The following GRIN2A variants were observed in gnomAD, a reference collection of about 807,000 sequenced individuals.
The protein encoded by GRIN2A is glutamate receptor ionotropic, NMDA 2A.
GRIN2A carries 22 observed loss-of-function variants against 113.4 expected under a neutral mutation model. That is an observed-to-expected ratio of 0.19 (90% CI 0.14 to 0.28). The LOEUF is 0.28. Ranked by LOEUF, GRIN2A falls within the 10% of genes least tolerant of loss-of-function variation. GRIN2A has a pLI of 1.00. For missense variants in GRIN2A, 1,502 were observed against 1,887.0 expected (o/e 0.80, Z 3.78); for synonymous variants, 827 against 738.4 (o/e 1.12, Z -1.94).
At chr16:10,079,833 T>C (rs7191991) in intron 2 of GRIN2A, among the ~76,000 whole-genome samples, 131,405 of 152,218 alleles carry the variant, frequency 0.86, 57,147 homozygotes, top group East Asian at 1. Context: ...TGGGAAGAAG[T>C]GACAGAAAGA....
intron 2 of GRIN2A, among the ~76,000 whole-genome samples, chr16:10,158,352 G>A (rs1393614300): frequency 6.6e-6 from 1 of 152,160 alleles, no homozygotes; most frequent in Non-Finnish European, 1.5e-5. Flanking sequence ...GGTGGGAGTA[G>A]GGGGATATCT....
intron 2 of GRIN2A, among the ~76,000 whole-genome samples, chr16:9,954,793 C>T (rs2045267675): frequency 1.3e-5 from 2 of 152,182 alleles, no homozygotes; most frequent in Non-Finnish European, 2.9e-5. Context: ...CCTCTCCAGA[C>T]TTAAATGAAA....
chr16:10,047,639 T>C (rs559269848), intron 2 of GRIN2A, among the ~76,000 whole-genome samples: 2 of 152,182 alleles, frequency 1.3e-5, no homozygotes, highest in East Asian at 3.9e-4. Context: ...TGAATCCCAA[T>C]AGCCAGCACC....
intron 9 of GRIN2A, among the ~76,000 whole-genome samples, chr16:9,822,699 C>T (rs2042312636): frequency 6.6e-6 from 1 of 152,112 alleles, no homozygotes; most frequent in Admixed American, 6.5e-5. Context: ...CGGCTGGGTG[C>T]TCCATAGGTA....
At chr16:9,801,551 C>G (rs918339111) in intron 10 of GRIN2A, among the ~76,000 whole-genome samples, 1 of 152,218 alleles carries the variant, frequency 6.6e-6, no homozygotes, top group African/African-American at 2.4e-5. Flanking sequence ...TATGGACAGG[C>G]ATAGACATCT....
At chr16:9,830,728 C>T (rs1179512931) in intron 8 of GRIN2A, among the ~76,000 whole-genome samples, 1 of 152,184 alleles carries the variant, frequency 6.6e-6, no homozygotes, top group Admixed American at 6.5e-5. Flanking sequence ...ACATTGGAGG[C>T]CAAACCCAGG....
At chr16:9,956,744 T>TG (rs2045320445) in intron 2 of GRIN2A, among the ~76,000 whole-genome samples, 1 of 152,112 alleles carries the variant, frequency 6.6e-6, no homozygotes, top group Non-Finnish European at 1.5e-5. Flanking sequence ...GAATGCACAA[T>TG]GGGGGAAACA....
chr16:10,125,696 C>G (rs4782274), intron 2 of GRIN2A, among the ~76,000 whole-genome samples: 25,801 of 151,346 alleles, frequency 0.17, 2,297 homozygotes, highest in Admixed American at 0.19. Flanking sequence ...AGCCCCAGGC[C>G]TACAGGAGGC....
intron 2 of GRIN2A, among the ~76,000 whole-genome samples, chr16:10,057,517 G>A (rs1461178577): frequency 3.3e-5 from 5 of 151,876 alleles, no homozygotes; most frequent in Non-Finnish European, 7.4e-5. Flanking sequence ...TTCTATGAAG[G>A]AAAAAAATAC....
At position 10,152,063 on chromosome 16, in the gene GRIN2A, T is replaced by G. The variant is rs567391266; in HGVS notation, c.414+27935A>C. On this transcript the variant is annotated intron_variant, in intron 2 of 12. Transcript: ENST00000330684. ...CACAGTGTGCCTGAAGGAGCCCATC[T>G]CAGACACCCTGCCCCTGGCAGCAGC... Among the ~76,000 whole-genome samples the G allele has an allele frequency of 3.9e-5, 6 of 152,330 alleles. No homozygotes were observed. In the South Asian group the frequency reaches 8.3e-4, roughly 21 times the overall value.
At chr16:10,161,488 A>C (rs565647611) in intron 2 of GRIN2A, among the ~76,000 whole-genome samples, 1 of 152,234 alleles carries the variant, frequency 6.6e-6, no homozygotes, top group African/African-American at 2.4e-5. Context: ...TAGTACCAAC[A>C]TAGTTACATT....
chr16:9,878,813 C>A (rs1486323631), intron 4 of GRIN2A, among the ~76,000 whole-genome samples: 2 of 151,556 alleles, frequency 1.3e-5, no homozygotes, highest in Non-Finnish European at 2.9e-5. Context: ...ACAACTGCAA[C>A]AACAACAACA....
Position 9,798,285 on chromosome 16 carries a change from A to G in GRIN2A, c.2348T>C (p.Val783Ala), listed in dbSNP as rs1192241725. ...RQIDLALLQFVGDGEMEELET... is the reference protein window; with the variant it reads ...RQIDLALLQFAGDGEMEELET... ...GTCACCCGGGGTCTTACCATCACCC[A>G]CAAACTGAAGCAAGGCCAGGTCGAT... Residue 783 changes from valine to alanine, a missense_variant, in exon 11 of 13, where the codon GTG (valine) becomes GCG (alanine). Val to Ala is a moderately conservative substitution (Grantham distance 64, BLOSUM62 0). Coordinates refer to ENST00000330684, the MANE Select transcript of GRIN2A (RefSeq NM_001134407.3). 6.2e-7 allele frequency: 1 copy of G among 1,613,910 alleles called. No individual in the cohort carries two copies. The highest frequency in any genetic ancestry group is 1.1e-5 in the South Asian group (1 of 91,044).
chr16:10,123,548 C>G (rs2048872110), intron 2 of GRIN2A, among the ~76,000 whole-genome samples: 1 of 152,134 alleles, frequency 6.6e-6, no homozygotes, highest in South Asian at 2.1e-4. Context: ...ATGGCACTTA[C>G]TTTATATTCA....
chr16:10,080,133 TG>T (rs2047951118), intron 2 of GRIN2A, among the ~76,000 whole-genome samples: 1 of 152,244 alleles, frequency 6.6e-6, no homozygotes, highest in Non-Finnish European at 1.5e-5. Flanking sequence ...TCTCCCTGCC[TG>T]GTTGCCACAA....
At chr16:9,833,980 G>C (rs2042543256) in intron 8 of GRIN2A, 125 bp downstream of exon 8, 1 of 940,724 alleles carries the variant, frequency 1.1e-6, no homozygotes, top group Non-Finnish European at 1.7e-6. Context: ...GTCTCCCAAA[G>C]TGCTGGGATT....
intron 4 of GRIN2A, among the ~76,000 whole-genome samples, chr16:9,869,195 A>G (rs1183451895): frequency 6.6e-6 from 1 of 152,144 alleles, no homozygotes; most frequent in African/African-American, 2.4e-5. Context: ...AGCACTTTGA[A>G]GGCAAGGCAG....
intron 11 of GRIN2A, among the ~76,000 whole-genome samples, chr16:9,796,697 G>A (rs1297568876): frequency 2.0e-5 from 3 of 152,314 alleles, no homozygotes; most frequent in Middle Eastern, 6.8e-3. Flanking sequence ...AGACACAGCA[G>A]AAACACGTGT....
rs2048591675 is a variant in GRIN2A at position 10,110,484 on chromosome 16, G to C, written c.414+69514C>G. ...ATATGGAGAAGCAAGTGGCAAGGGG[G>C]CAAAGTGGAAGAGAGATACCAATGA... On this transcript the variant is annotated intron_variant, in intron 2 of 12. Transcript: ENST00000330684. Among the ~76,000 whole-genome samples the C allele has an allele frequency of 2.0e-5, 3 of 152,230 alleles. No homozygotes were observed. In the South Asian group the frequency reaches 6.2e-4, roughly 32 times the overall value.
Sources: allele counts gnomAD v4.1 joint callset (sites outside exome capture counted in the v4.1 genomes callset), GRCh38; gene constraint gnomAD v4.1.1; transcripts MANE v1.5; gene names NCBI Gene and HGNC (gene_info 2026-07-23, HGNC 2026-07-21).